GRM1: variants seen among roughly 807,000 people sequenced by gnomAD.
GRM1 encodes metabotropic glutamate receptor 1.
In GRM1, 33 loss-of-function variants were observed where a neutral mutation model predicts 90.9. The observed-to-expected ratio is 0.36, with a 90% CI of 0.28 to 0.49. GRM1 has a LOEUF of 0.49. Ranked by LOEUF, GRM1 falls within the 20% of genes least tolerant of loss-of-function variation. The pLI is 0.99. For missense variants in GRM1, 1,190 were observed against 1,534.3 expected, an observed-to-expected ratio of 0.78 and a Z score of 3.75; for synonymous variants, 700 against 613.2, an observed-to-expected ratio of 1.14 and a Z score of -2.09.
intron 2 of GRM1, among the ~76,000 whole-genome samples, chr6:146,202,608 T>C (rs1173212032): frequency 6.6e-6 from 1 of 152,198 alleles, no homozygotes; most frequent in Non-Finnish European, 1.5e-5. Context: ...GGTTTCAAAA[T>C]ATGTACCCTG....
intron 2 of GRM1, among the ~76,000 whole-genome samples, chr6:146,287,203 A>G (rs1782797742): frequency 6.6e-6 from 1 of 152,122 alleles, no homozygotes; most frequent in African/African-American, 2.4e-5. Flanking sequence ...TAGGGTTTAG[A>G]GACTCTTCCC....
intron 2 of GRM1, among the ~76,000 whole-genome samples, chr6:146,204,782 A>T (rs1779436314): frequency 6.6e-6 from 1 of 152,206 alleles, no homozygotes; most frequent in Non-Finnish European, 1.5e-5. Context: ...TCATGGGCAA[A>T]CACAGCAGGG....
intron 1 of GRM1, among the ~76,000 whole-genome samples, chr6:146,140,432 C>A (rs144439178): frequency 0.012 from 1,866 of 152,026 alleles, 80 homozygotes; most frequent in East Asian, 0.095. Flanking sequence ...CCATACCAGG[C>A]TAATTTTTGT....
intron 1 of GRM1, among the ~76,000 whole-genome samples, chr6:146,052,053 A>G (rs1223840140): frequency 6.6e-6 from 1 of 151,880 alleles, no homozygotes; most frequent in Non-Finnish European, 1.5e-5. Flanking sequence ...ACTTATTACA[A>G]CTCCTTGTAC....
intron 2 of GRM1, among the ~76,000 whole-genome samples, chr6:146,271,190 G>C (rs918520682): frequency 2.0e-5 from 3 of 151,868 alleles, no homozygotes; most frequent in African/African-American, 7.3e-5. Flanking sequence ...ATTTTTAGTA[G>C]AGATGAGGTT....
At chr6:146,260,911 C>A (rs1281297488) in intron 2 of GRM1, among the ~76,000 whole-genome samples, 1 of 130,440 alleles carries the variant, frequency 7.7e-6, no homozygotes, top group Non-Finnish European at 1.6e-5. Flanking sequence ...GGGAAGAAAG[C>A]TTCTCTTTCT....
At position 146,212,836 on chromosome 6, in the gene GRM1, A is replaced by G. The variant is rs148127562; in HGVS notation, c.950+53239A>G. Reference sequence around the variant, plus strand: ...AGTTTATGAAGTATATATACACCCAACTGATATCACTTCCCTGTGTACTCA... The same window carrying G: ...AGTTTATGAAGTATATATACACCCAGCTGATATCACTTCCCTGTGTACTCA... On this transcript the variant is annotated intron_variant, in intron 2 of 7. Coordinates refer to ENST00000282753, the MANE Select transcript of GRM1 (RefSeq NM_001278064.2). 3.3e-5 allele frequency among the ~76,000 whole-genome samples: 5 copies of G among 151,976 alleles called. No individual in the cohort carries two copies. The East Asian group carries it at 9.7e-4, about 29-fold the overall frequency.
chr6:146,116,468 T>C (rs531201369), intron 1 of GRM1, among the ~76,000 whole-genome samples: 3 of 152,198 alleles, frequency 2.0e-5, no homozygotes, highest in South Asian at 4.1e-4. Flanking sequence ...GGTAATTGAA[T>C]AATATTCTCT....
chr6:146,400,880 A>C (rs1408368491), intron 7 of GRM1, among the ~76,000 whole-genome samples: 1 of 152,138 alleles, frequency 6.6e-6, no homozygotes, highest in Admixed American at 6.5e-5. Context: ...TGTAGGTGAG[A>C]AAAGTACTCT....
At chr6:146,243,956 G>A (rs1297488798) in intron 2 of GRM1, among the ~76,000 whole-genome samples, 4 of 152,158 alleles carry the variant, frequency 2.6e-5, no homozygotes, top group South Asian at 2.1e-4. Flanking sequence ...AGAATTCAGC[G>A]ATATTTCTCC....
At chr6:146,140,121 C>CTTTCTT (rs1776806326) in intron 1 of GRM1, among the ~76,000 whole-genome samples, 1 of 119,536 alleles carries the variant, frequency 8.4e-6, no homozygotes, top group Admixed American at 9.5e-5. Flanking sequence ...TTCTTTCTTT[C>CTTTCTT]TTTCTTTCTT....
intron 5 of GRM1, among the ~76,000 whole-genome samples, chr6:146,378,322 T>C (rs974889689): frequency 1.3e-5 from 2 of 152,314 alleles, no homozygotes; most frequent in East Asian, 3.9e-4. Flanking sequence ...ACTTGCACTG[T>C]GTGCCTGGAA....
At chr6:146,346,682 A>T (rs1248397457) in intron 3 of GRM1, among the ~76,000 whole-genome samples, 1 of 152,198 alleles carries the variant, frequency 6.6e-6, no homozygotes, top group African/African-American at 2.4e-5. Context: ...TTAAAAAATG[A>T]CCTGATTAAT....
intron 3 of GRM1, among the ~76,000 whole-genome samples, chr6:146,339,035 A>G (rs1402647771): frequency 6.6e-6 from 1 of 152,242 alleles, no homozygotes; most frequent in Non-Finnish European, 1.5e-5. Flanking sequence ...TATTCTATAC[A>G]AACAGCACAG....
chr6:146,298,279 C>CT (rs1459201462), intron 2 of GRM1, among the ~76,000 whole-genome samples: 2 of 152,188 alleles, frequency 1.3e-5, no homozygotes, highest in Admixed American at 6.5e-5. Flanking sequence ...TTTTTTCTCT[C>CT]TTTTTTACAG....
chr6:146,072,910 C>T (rs189137208), intron 1 of GRM1, among the ~76,000 whole-genome samples: 128 of 152,156 alleles, frequency 8.4e-4, no homozygotes, highest in East Asian at 4.8e-3. Context: ...AGAAATGGGA[C>T]TTGCTGCCAA....
At chr6:146,328,823 G>A (rs1198663558) in intron 3 of GRM1, among the ~76,000 whole-genome samples, 1 of 152,150 alleles carries the variant, frequency 6.6e-6, no homozygotes, top group Non-Finnish European at 1.5e-5. Context: ...TTGATTAGGT[G>A]CAGTTGGGAA....
intron 2 of GRM1, among the ~76,000 whole-genome samples, chr6:146,300,964 A>G (rs1470477040): frequency 6.6e-6 from 1 of 152,212 alleles, no homozygotes; most frequent in Non-Finnish European, 1.5e-5. Context: ...ATCCTTTAAA[A>G]TTTTCTGAAA....
intron 3 of GRM1, among the ~76,000 whole-genome samples, chr6:146,317,787 A>T (rs995050056): frequency 6.6e-6 from 1 of 152,200 alleles, no homozygotes; most frequent in East Asian, 1.9e-4. Context: ...ACTAAAAGTT[A>T]TATGTGTCAC....
Sources: gnomAD v4.1 joint callset for allele counts (sites outside exome capture counted in the v4.1 genomes callset) on GRCh38, gnomAD v4.1.1 for gene constraint, MANE v1.5 for transcripts, NCBI Gene and HGNC (gene_info 2026-07-23, HGNC 2026-07-21) for gene names.